The following POU6F2 variants were observed in gnomAD, a reference collection of about 807,000 sequenced individuals.
POU6F2 encodes POU domain, class 6, transcription factor 2.
POU6F2 carries 31 observed loss-of-function variants against 71.3 expected under a neutral mutation model. The ratio of observed to expected loss-of-function variants is 0.43; its 90% CI spans 0.33 to 0.59. The LOEUF is 0.59. Ranked by LOEUF, POU6F2 falls within the 20% of genes least tolerant of loss-of-function variation. The probability of loss-of-function intolerance (pLI) is 0.04; values close to 1 mark genes in which losing one functional copy is unlikely to be tolerated. For synonymous variants in POU6F2, 347 were observed against 355.7 expected (o/e 0.98, Z 0.27); for missense variants, 783 against 856.8 (o/e 0.91, Z 1.07).
chr7:39,063,654 G>A (rs534980051), intron 1 of POU6F2, among the ~76,000 whole-genome samples: 2 of 152,218 alleles, frequency 1.3e-5, no homozygotes, highest in Admixed American at 1.3e-4. Flanking sequence ...GAGAAATCAA[G>A]ATTGAGAGGG....
chr7:39,215,358 T>A (rs947924487), intron 4 of POU6F2, among the ~76,000 whole-genome samples: 24 of 151,394 alleles, frequency 1.6e-4, no homozygotes, highest in African/African-American at 5.6e-4. Context: ...AATAAATAAA[T>A]AAATAAAAAC....
intron 6 of POU6F2, among the ~76,000 whole-genome samples, chr7:39,430,319 AC>A (rs1235700036): frequency 2.0e-5 from 3 of 151,862 alleles, no homozygotes; most frequent in African/African-American, 7.3e-5. Context: ...ACTGCTCCTG[AC>A]CCCCCACCTC....
chr7:39,259,216 T>G (rs1056972317), intron 4 of POU6F2, among the ~76,000 whole-genome samples: 36 of 152,182 alleles, frequency 2.4e-4, no homozygotes, highest in African/African-American at 8.7e-4. Context: ...CGGCAGCTGA[T>G]TTTTGTTTTC....
intron 5 of POU6F2, among the ~76,000 whole-genome samples, chr7:39,392,462 C>T (rs879758675): frequency 6.6e-6 from 1 of 152,144 alleles, no homozygotes; most frequent in African/African-American, 2.4e-5. Flanking sequence ...AGAAGCTGAG[C>T]GTTCTTGGAA....
chr7:39,432,624 G>T (rs1032579394), intron 6 of POU6F2, among the ~76,000 whole-genome samples: 1 of 152,044 alleles, frequency 6.6e-6, no homozygotes, highest in Non-Finnish European at 1.5e-5. Context: ...GTTGGTGGAG[G>T]GAAGGAGGCA....
intron 2 of POU6F2, among the ~76,000 whole-genome samples, chr7:39,178,019 G>A (rs1481590922): frequency 3.9e-5 from 6 of 152,128 alleles, no homozygotes; most frequent in Non-Finnish European, 4.4e-5. Context: ...ACTTTGGGAG[G>A]CCGAGGTGGG....
chr7:39,176,581 A>C (rs1793335189), intron 2 of POU6F2, among the ~76,000 whole-genome samples: 1 of 152,110 alleles, frequency 6.6e-6, no homozygotes, highest in Non-Finnish European at 1.5e-5. Context: ...TTCCTTTCCA[A>C]AATATGCTTC....
At chr7:39,330,954 C>G (rs1238904390) in intron 4 of POU6F2, among the ~76,000 whole-genome samples, 2 of 152,200 alleles carry the variant, frequency 1.3e-5, no homozygotes. Context: ...TCCCCACTCT[C>G]TGGTAAACAC....
Position 39,350,304 on chromosome 7 carries a change from G to A in POU6F2, c.972+10289G>A, listed in dbSNP as rs140089712. ...TGTATTTTGATGTTGTGACTGTGGC[G>A]TTTAAAGAGAACAAAGCAACATTTA... On this transcript the variant is annotated intron_variant, in intron 5 of 9. Coordinates refer to ENST00000518318, the MANE Select transcript of POU6F2 (RefSeq NM_001370959.1). Among the ~76,000 whole-genome samples, 118 of 152,074 alleles carry A rather than the reference G, an allele frequency of 7.8e-4. 2 individuals are homozygous for A. The highest frequency in any genetic ancestry group is 2.7e-3 in the African/African-American group (112 of 41,486).
At chr7:39,296,189 T>C (rs1416168580) in intron 4 of POU6F2, among the ~76,000 whole-genome samples, 1 of 152,202 alleles carries the variant, frequency 6.6e-6, no homozygotes, top group East Asian at 1.9e-4. Flanking sequence ...TTTTATCTTT[T>C]GTGAGAACAA....
intron 6 of POU6F2, among the ~76,000 whole-genome samples, chr7:39,427,823 ACATAT>A (rs1488083025): frequency 6.6e-6 from 1 of 152,234 alleles, no homozygotes; most frequent in African/African-American, 2.4e-5. Context: ...GAGTTTAACA[ACATAT>A]CATTGGCTAT....
intron 1 of POU6F2, among the ~76,000 whole-genome samples, chr7:39,082,721 C>A (rs1055958961): frequency 6.6e-6 from 1 of 151,340 alleles, no homozygotes; most frequent in African/African-American, 2.4e-5. Flanking sequence ...AATGGACCCC[C>A]CAGTGGCTGC....
At position 39,076,869 on chromosome 7, in the gene POU6F2, TACACAC is replaced by T. The variant is rs67222549; in HGVS notation, c.106-8969_106-8964del. Reference sequence around the variant, plus strand: ...TTGCAAAAGGTTGCAAATGTTGAGATACACACACACACACACACACACACACATTAA... The same window carrying T: ...TTGCAAAAGGTTGCAAATGTTGAGATACACACACACACACACACACATTAA... On this transcript the variant is annotated intron_variant, in intron 1 of 9. Coordinates refer to ENST00000518318, the MANE Select transcript of POU6F2 (RefSeq NM_001370959.1). Among the ~76,000 whole-genome samples the T allele has an allele frequency of 4.1e-4, 61 of 150,346 alleles. No individual in the cohort carries two copies. In the East Asian group the frequency reaches 4.4e-3, roughly 11 times the overall value.
chr7:39,011,906 T>C (rs1276166987), intron 1 of POU6F2, among the ~76,000 whole-genome samples: 1 of 152,088 alleles, frequency 6.6e-6, no homozygotes, highest in Non-Finnish European at 1.5e-5. Flanking sequence ...GTTCGTCTGA[T>C]GGGCTTCCCT....
Position 39,245,400 on chromosome 7 carries a change from T to G in POU6F2, c.598+37780T>G, listed in dbSNP as rs369074799. On this transcript the variant is annotated intron_variant, in intron 4 of 9. Transcript: ENST00000518318. ...TTTACACCTAGGCATTGGGGTCTCT[T>G]CATTCTGTTTATTATTTAGACCCAC... is the stretch of plus-strand genomic sequence containing the variant. 2.9e-3 allele frequency among the ~76,000 whole-genome samples: 447 copies of G among 152,324 alleles called. 2 individuals carry two copies. Among genetic ancestry groups the G allele is most frequent in the African/African-American group, 1.0e-2 (415 of 41,570 alleles).
chr7:39,369,446 C>T (rs934966603), intron 5 of POU6F2, among the ~76,000 whole-genome samples: 7 of 151,500 alleles, frequency 4.6e-5, no homozygotes, highest in East Asian at 2.0e-4. Context: ...ACTGTAACCT[C>T]GCCTCCTGGG....
chr7:39,394,199 T>A (rs1787129926), intron 5 of POU6F2, among the ~76,000 whole-genome samples: 1 of 152,186 alleles, frequency 6.6e-6, no homozygotes, highest in Non-Finnish European at 1.5e-5. Flanking sequence ...GCCATGGGGG[T>A]TCTTCATCAT....
At chr7:39,317,540 C>T (rs1785294946) in intron 4 of POU6F2, among the ~76,000 whole-genome samples, 1 of 152,124 alleles carries the variant, frequency 6.6e-6, no homozygotes, top group African/African-American at 2.4e-5. Flanking sequence ...AATACATTAC[C>T]ATGGGGGTTT....
chr7:39,402,778 GA>G (rs1011572964), intron 5 of POU6F2, among the ~76,000 whole-genome samples: 14 of 151,080 alleles, frequency 9.3e-5, no homozygotes, highest in African/African-American at 1.7e-4. Flanking sequence ...TTTTTTATAA[GA>G]AAAAAAAGTA....
Sources: gnomAD v4.1 joint callset for allele counts (sites outside exome capture counted in the v4.1 genomes callset) on GRCh38, gnomAD v4.1.1 for gene constraint, MANE v1.5 for transcripts, NCBI Gene and HGNC (gene_info 2026-07-23, HGNC 2026-07-21) for gene names.